Variants in OPRM1 observed in about 807,000 individuals in gnomAD.
OPRM1 encodes the protein mu-type opioid receptor.
Under a neutral mutation model 31.8 loss-of-function variants are expected in OPRM1, and 27 were observed. The ratio of observed to expected loss-of-function variants is 0.85; its 90% CI spans 0.63 to 1.17. The LOEUF (loss-of-function observed/expected upper bound fraction) is 1.17. Ranked by LOEUF, OPRM1 falls within the 50% of genes most tolerant of loss-of-function variation. The probability of loss-of-function intolerance (pLI) is 0.00; values close to 1 mark genes in which losing one functional copy is unlikely to be tolerated. For missense variants in OPRM1, 536 were observed against 511.1 expected (o/e 1.05, Z -0.47); for synonymous variants, 196 against 189.9 (o/e 1.03, Z -0.26).
At chr6:154,140,720 A>C (rs1020235469) in intron 3 of OPRM1, among the ~76,000 whole-genome samples, 1 of 152,186 alleles carries the variant, frequency 6.6e-6, no homozygotes, top group African/African-American at 2.4e-5. Flanking sequence ...AATCATAGAT[A>C]TACAGGTCAA....
At chr6:154,117,274 G>T (rs1796977804) in intron 3 of OPRM1, among the ~76,000 whole-genome samples, 2 of 152,288 alleles carry the variant, frequency 1.3e-5, no homozygotes, top group South Asian at 4.1e-4. Context: ...CCTGCACTTT[G>T]TGCCACTTTG....
rs6557336 is a variant in OPRM1 at position 154,086,409 on chromosome 6, T to C, written c.291-3417T>C. On this transcript the variant is annotated intron_variant, in intron 1 of 3. Coordinates refer to ENST00000330432, the MANE Select transcript of OPRM1 (RefSeq NM_000914.5). ...AAAATGCCCGTTGAAAGAATTTTTA[T>C]AGATAAATATTCACTTTTTTTTGGT... 1,148 of 219,408 alleles carry C rather than the reference T, an allele frequency of 5.2e-3. 20 individuals carry two copies. The highest frequency in any genetic ancestry group is 0.026 in the African/African-American group (1,095 of 42,622). The allele number at this position is 219,408 out of a possible 1,614,324, so 13.6% of individuals were successfully genotyped here.
chr6:154,111,702 A>G (rs1796375773), intron 3 of OPRM1, among the ~76,000 whole-genome samples: 1 of 152,174 alleles, frequency 6.6e-6, no homozygotes, highest in South Asian at 2.1e-4. Flanking sequence ...AGGACCAAAA[A>G]TAGCCCAAGG....
At chr6:154,083,902 C>G (rs1789800607) in intron 1 of OPRM1, among the ~76,000 whole-genome samples, 1 of 146,076 alleles carries the variant, frequency 6.8e-6, no homozygotes, top group African/African-American at 2.6e-5. Flanking sequence ...CGAGATCGCG[C>G]CACTGCACTC....
Position 154,039,277 on chromosome 6 carries a change from C to G in OPRM1, c.-268C>G. ...CAGCCTCCGAATCCCGCATGGCCCA[C>G]GCTCCCCTCCTGCAGCGGTGCGGGG... is the stretch of plus-strand genomic sequence containing the variant. On this transcript the variant is annotated 5_prime_UTR_variant, in exon 1 of 4. Coordinates refer to ENST00000330432, the MANE Select transcript of OPRM1 (RefSeq NM_000914.5). 1 of 1,551,606 alleles carries G rather than the reference C, an allele frequency of 6.4e-7. No homozygotes were observed. Among genetic ancestry groups the G allele is most frequent in the Non-Finnish European group, 8.7e-7 (1 of 1,146,936 alleles).
downstream of OPRM1, among the ~76,000 whole-genome samples, chr6:154,137,270 C>CATCTATGT (rs1179308417): frequency 1.8e-4 from 28 of 152,212 alleles, no homozygotes; most frequent in African/African-American, 6.5e-4. Context: ...GAGAATATTA[C>CATCTATGT]ATCTATGTAC....
chr6:154,154,363 A>G (rs1310494085), intron 3 of OPRM1: 1 of 152,232 alleles, frequency 6.6e-6, no homozygotes, highest in Non-Finnish European at 1.5e-5. Flanking sequence ...CCTAGAAATA[A>G]TAAGTAATAC....
intron 3 of OPRM1, among the ~76,000 whole-genome samples, chr6:154,167,225 T>A (rs1370674140): frequency 6.6e-6 from 1 of 152,240 alleles, no homozygotes; most frequent in Non-Finnish European, 1.5e-5. Context: ...CTCCACCTGT[T>A]CATGTTATAA....
At position 154,130,582 on chromosome 6, in the gene OPRM1, C is replaced by T. The variant is rs1455017220; in HGVS notation, c.*11861C>T. Reference sequence around the variant, plus strand: ...TTAGGCATAGCTATATGAATATTTGCCTATAAATCCCCATCAATTTAATAG... The same window carrying T: ...TTAGGCATAGCTATATGAATATTTGTCTATAAATCCCCATCAATTTAATAG... On this transcript the variant is annotated 3_prime_UTR_variant, in exon 4 of 4. Coordinates refer to ENST00000330432, the MANE Select transcript of OPRM1 (RefSeq NM_000914.5). 6.6e-6 allele frequency among the ~76,000 whole-genome samples: 1 copy of T among 151,878 alleles called. No individual in the cohort carries two copies. Among genetic ancestry groups the T allele is most frequent in the Admixed American group, 6.6e-5 (1 of 15,240 alleles).
chr6:154,043,962 G>T (rs1279531178), intron 1 of OPRM1, among the ~76,000 whole-genome samples: 5 of 152,006 alleles, frequency 3.3e-5, no homozygotes, highest in Non-Finnish European at 7.4e-5. Context: ...TTTGTCATTT[G>T]CATGACATTA....
At chr6:154,088,907 G>A (rs1055806871) in intron 1 of OPRM1, among the ~76,000 whole-genome samples, 6 of 152,054 alleles carry the variant, frequency 3.9e-5, no homozygotes, top group Non-Finnish European at 7.4e-5. Context: ...TCTTTGTTGG[G>A]GTTCTCTCTG....
chr6:154,037,749 C>A (rs999606858), upstream of OPRM1, among the ~76,000 whole-genome samples: 1 of 152,084 alleles, frequency 6.6e-6, no homozygotes, highest in African/African-American at 2.4e-5. Context: ...CCTACCCTCG[C>A]CTTTTTTAAG....
intron 1 of OPRM1, among the ~76,000 whole-genome samples, chr6:154,055,169 C>G (rs987889610): frequency 6.6e-6 from 1 of 152,220 alleles, no homozygotes; most frequent in African/African-American, 2.4e-5. Flanking sequence ...GGGCAGATCA[C>G]TTGAGGTCAG....
At position 154,195,343 on chromosome 6, in the gene OPRM1, T is replaced by C. The variant is rs1323046308; in HGVS notation, c.1165-51350T>C. 2.0e-5 allele frequency among the ~76,000 whole-genome samples: 3 copies of C among 152,078 alleles called. No individual in the cohort carries two copies. In the East Asian group the frequency reaches 5.8e-4, roughly 29 times the overall value. ...TTTGTGTTTTTAATAGAGATGGGGT[T>C]TCACCATGTTAGCCAGGATGGTCTC... On this transcript the variant is annotated intron_variant, in intron 3 of 3. Transcript: ENST00000337049.
chr6:154,159,512 C>T (rs1798846797), intron 3 of OPRM1: 1 of 327,512 alleles, frequency 3.1e-6, no homozygotes, highest in South Asian at 4.1e-5. Context: ...ATAGCATTCT[C>T]TGGAGAGCAA....
At chr6:154,113,451 C>A (rs985185199) in intron 3 of OPRM1, among the ~76,000 whole-genome samples, 1 of 152,144 alleles carries the variant, frequency 6.6e-6, no homozygotes, top group Admixed American at 6.5e-5. Flanking sequence ...CTGGGCCACT[C>A]TCTCCCACAT....
At chr6:154,059,651 T>C (rs1267854291) in intron 1 of OPRM1, among the ~76,000 whole-genome samples, 2 of 152,218 alleles carry the variant, frequency 1.3e-5, no homozygotes, top group Non-Finnish European at 2.9e-5. Context: ...GTATTTTTGT[T>C]GTTGTTTGTT....
intron 3 of OPRM1, among the ~76,000 whole-genome samples, chr6:154,144,172 G>T: frequency 6.6e-6 from 1 of 152,218 alleles, no homozygotes; most frequent in East Asian, 1.9e-4. Flanking sequence ...AATAGAATTT[G>T]TTATTTTAAA....
intron 3 of OPRM1, among the ~76,000 whole-genome samples, chr6:154,117,972 G>A (rs1797054821): frequency 6.6e-6 from 1 of 151,194 alleles, no homozygotes; most frequent in African/African-American, 2.4e-5. Context: ...TTAAAAAAAT[G>A]ATCTTTTACC....
Sources: gnomAD v4.1 joint callset for allele counts (sites outside exome capture counted in the v4.1 genomes callset) on GRCh38, gnomAD v4.1.1 for gene constraint, MANE v1.5 for transcripts, NCBI Gene and HGNC (gene_info 2026-07-23, HGNC 2026-07-21) for gene names.